UBE2B: variants seen among roughly 807,000 people sequenced by gnomAD.
UBE2B encodes the protein ubiquitin-conjugating enzyme E2 B.
A neutral mutation model predicts 24.6 loss-of-function variants in UBE2B; 11 were observed. That is an observed-to-expected ratio of 0.45 (90% confidence interval 0.28 to 0.74). UBE2B has a LOEUF of 0.74. UBE2B is among the 30% of genes least tolerant of loss of function. The pLI, the probability that UBE2B is intolerant of heterozygous loss-of-function variation, is 0.13. For synonymous variants in UBE2B, 68 were observed against 62.4 expected, an observed-to-expected ratio of 1.09 and a Z score of -0.42; for missense variants, 78 against 185.6, an observed-to-expected ratio of 0.42 and a Z score of 3.37.
chr5:134,376,500 G>A (rs1368330871), intron 2 of UBE2B, among the ~76,000 whole-genome samples, 169 bp from the exon 3 acceptor site: 1 of 150,326 alleles, frequency 6.7e-6, no homozygotes, highest in Non-Finnish European at 1.5e-5. Flanking sequence ...CTTTATGCCT[G>A]GGTCTATGAA....
intron 4 of UBE2B, among the ~76,000 whole-genome samples, chr5:134,382,874 T>C (rs1434764462): frequency 6.6e-6 from 1 of 152,158 alleles, no homozygotes; most frequent in Admixed American, 6.5e-5. Flanking sequence ...TTTTCCTTAA[T>C]AAATATTCTG....
In UBE2B at chr5:134,390,467, GAAAA is replaced by G. The variant is rs1758883065; in HGVS notation, c.*117_*120del. On this transcript the variant is annotated 3_prime_UTR_variant, in exon 6 of 6. Transcript: ENST00000265339. This position sits in a 1 kb window ranked among gnomAD's most constrained non-coding sequence, Gnocchi z 4.6. ...TTTTAAGGATTCTGCAGAAAAAAAAGAAAAAAGTCCTTCAGTTTAGAACCTACAA... is the reference window on the plus strand; with the variant it reads ...TTTTAAGGATTCTGCAGAAAAAAAAGAAGTCCTTCAGTTTAGAACCTACAA... 14 of 1,325,296 alleles carry G rather than the reference GAAAA, an allele frequency of 1.1e-5. No homozygotes were observed. The South Asian group carries it at 1.2e-4, about 11-fold the overall frequency. 82.1% of individuals were successfully genotyped at this position (1,325,296 alleles called of 1,614,324 possible). A position where few individuals can be genotyped will look rare whatever the true frequency, so the allele number is the denominator to read the frequency against.
In UBE2B at chr5:134,388,310, G is replaced by A. The variant is rs373652130; in HGVS notation, c.242-15G>A. The A allele has an allele frequency of 7.5e-6, 12 of 1,609,390 alleles. No individual in the cohort carries two copies. In the East Asian group the frequency reaches 1.6e-4, roughly 21 times the overall value. On this transcript the variant is annotated splice_polypyrimidine_tract_variant and intron_variant, in intron 4 of 5. Transcript: ENST00000265339. Reference sequence around the variant, plus strand: ...ATGGCAGAGTGTGTAACTAATTTTAGTATTGTCTTTGCAGTGTATGCTGAT... The same window carrying A: ...ATGGCAGAGTGTGTAACTAATTTTAATATTGTCTTTGCAGTGTATGCTGAT...
At chr5:134,388,797 G>A (rs540443009) in intron 5 of UBE2B, among the ~76,000 whole-genome samples, 1 of 152,236 alleles carries the variant, frequency 6.6e-6, no homozygotes, top group Admixed American at 6.5e-5. Flanking sequence ...GAAGCAGTCT[G>A]GCAGAATATT....
In UBE2B at chr5:134,388,398, C is replaced by T; in HGVS notation, c.315C>T (p.Ile105=). The T allele has an allele frequency of 6.2e-7, 1 of 1,613,730 alleles. No homozygotes were observed. The part of the protein sequence containing the change: ...RWSPTYDVSS[I]LTSIQSLLDE... Reference sequence around the variant, plus strand: ...GTCCAACATATGATGTATCTTCTATCTTAACATCAATTCAGGTAAGTGTGT... The same window carrying T: ...GTCCAACATATGATGTATCTTCTATTTTAACATCAATTCAGGTAAGTGTGT... The change falls in exon 5 of 6, where the codon ATC becomes ATT. Residue 105 remains isoleucine, a synonymous_variant. Coordinates refer to ENST00000265339, the MANE Select transcript of UBE2B (RefSeq NM_003337.4).
rs752444019 is a variant in UBE2B at position 134,388,314 on chromosome 5, T to G, written c.242-11T>G. 3 of 1,611,952 alleles carry G rather than the reference T, an allele frequency of 1.9e-6. No individual in the cohort carries two copies. Among genetic ancestry groups the G allele is most frequent in the East Asian group, 2.2e-5 (1 of 44,858 alleles). On this transcript the variant is annotated splice_polypyrimidine_tract_variant and intron_variant, in intron 4 of 5. Coordinates refer to ENST00000265339, the MANE Select transcript of UBE2B (RefSeq NM_003337.4). ...CAGAGTGTGTAACTAATTTTAGTAT[T>G]GTCTTTGCAGTGTATGCTGATGGTA...
At chr5:134,388,137 A>G in intron 4 of UBE2B, 188 bp from the exon 5 acceptor site, 2 of 596,994 alleles carry the variant, frequency 3.4e-6, no homozygotes, top group South Asian at 3.9e-5. Context: ...ATTTGGAGGG[A>G]ACATTCAAAC....
intron 4 of UBE2B, 54 bp from the exon 5 acceptor site, chr5:134,388,271 C>T (rs561948138): frequency 8.2e-6 from 12 of 1,458,740 alleles, no homozygotes; most frequent in Admixed American, 5.0e-5. Context: ...AAAGATTTCT[C>T]TTAACTGTTA....
At chr5:134,386,426 T>G (rs1194280184) in intron 4 of UBE2B, among the ~76,000 whole-genome samples, 1 of 151,920 alleles carries the variant, frequency 6.6e-6, no homozygotes, top group African/African-American at 2.4e-5. Context: ...GGTCAGGAGT[T>G]CGAGACCAGC....
chr5:134,374,681 C>G (rs1315996717), intron 2 of UBE2B: 1 of 525,134 alleles, frequency 1.9e-6, no homozygotes, highest in African/African-American at 1.9e-5. Flanking sequence ...CAGGAGTTCA[C>G]CAGCCTGGGC....
At chr5:134,382,835 G>T (rs1171349215) in intron 4 of UBE2B, among the ~76,000 whole-genome samples, 1 of 151,552 alleles carries the variant, frequency 6.6e-6, no homozygotes, top group Non-Finnish European at 1.5e-5. Flanking sequence ...TGGTTTGTTT[G>T]TTTTTGTTTT....
chr5:134,390,739 T>C lies in UBE2B; in HGVS notation c.*386T>C, dbSNP rs936173228. 1.2e-5 allele frequency: 3 copies of C among 252,222 alleles called. No homozygotes were observed. The highest frequency in any genetic ancestry group is 4.6e-5 in the African/African-American group (2 of 43,068). 15.6% of individuals were successfully genotyped at this position (252,222 alleles called of 1,614,324 possible). On this transcript the variant is annotated 3_prime_UTR_variant, in exon 6 of 6. Coordinates refer to ENST00000265339, the MANE Select transcript of UBE2B (RefSeq NM_003337.4). This position sits in a 1 kb window ranked among gnomAD's most constrained non-coding sequence, Gnocchi z 4.6. ...GCACTTAAAGTTTTTTATATATGAA[T>C]ATTACATGTAAAGCTGTTAAAATAC...
chr5:134,382,638 G>C (rs1393548610), intron 4 of UBE2B, among the ~76,000 whole-genome samples: 1 of 151,996 alleles, frequency 6.6e-6, no homozygotes, highest in Non-Finnish European at 1.5e-5. Flanking sequence ...GCTGGGCACA[G>C]TGGTGCGTAC....
intron 3 of UBE2B, among the ~76,000 whole-genome samples, chr5:134,380,263 G>A (rs1758687313): frequency 6.6e-6 from 1 of 152,154 alleles, no homozygotes; most frequent in Non-Finnish European, 1.5e-5. Context: ...GTGTGTGTGA[G>A]ACGGAGTCTT....
At chr5:134,379,663 AAGG>A (rs1440858234) in intron 3 of UBE2B, among the ~76,000 whole-genome samples, 2 of 151,140 alleles carry the variant, frequency 1.3e-5, no homozygotes, top group African/African-American at 4.9e-5. Flanking sequence ...AAAAAAAAAA[AAGG>A]AAGAAAGAAA....
chr5:134,390,461 A>G lies in UBE2B; in HGVS notation c.*108A>G, dbSNP rs1045023223. On this transcript the variant is annotated 3_prime_UTR_variant, in exon 6 of 6. Transcript: ENST00000265339. The surrounding 1 kb of genome is among the most constrained non-coding windows in gnomAD (Gnocchi z 4.6). ...CACAGGTTTTAAGGATTCTGCAGAA[A>G]AAAAAGAAAAAAGTCCTTCAGTTTA... The G allele has an allele frequency of 7.4e-7, 1 of 1,359,626 alleles. No individual in the cohort carries two copies. Among genetic ancestry groups the G allele is most frequent in the South Asian group, 1.3e-5 (1 of 77,636 alleles). The allele number at this position is 1,359,626 out of a possible 1,614,324, so 84.2% of individuals were successfully genotyped here.
chr5:134,376,370 T>G, intron 2 of UBE2B, among the ~76,000 whole-genome samples: 1 of 96,332 alleles, frequency 1.0e-5, no homozygotes, highest in Non-Finnish European at 2.1e-5. Context: ...TATATACACA[T>G]ATGTACAAAA....
intron 4 of UBE2B, among the ~76,000 whole-genome samples, chr5:134,383,317 T>A (rs183328906): frequency 1.3e-5 from 2 of 152,098 alleles, no homozygotes; most frequent in African/African-American, 4.8e-5. Flanking sequence ...CTTAAAAATT[T>A]TTTTGTTGTT....
intron 4 of UBE2B, among the ~76,000 whole-genome samples, chr5:134,386,554 C>T (rs1758805432): frequency 6.6e-6 from 1 of 151,838 alleles, no homozygotes; most frequent in Non-Finnish European, 1.5e-5. Context: ...ATCCCTTGAA[C>T]CTGGGAGGCG....
Sources: allele counts gnomAD v4.1 joint callset (sites outside exome capture counted in the v4.1 genomes callset), GRCh38; gene constraint gnomAD v4.1.1; non-coding constraint Gnocchi (gnomAD v3.1); transcripts MANE v1.5; gene names NCBI Gene and HGNC (gene_info 2026-07-23, HGNC 2026-07-21).